Variants in PLCB4 observed in about 807,000 individuals in gnomAD.
The protein encoded by PLCB4 is 1-phosphatidylinositol 4,5-bisphosphate phosphodiesterase beta-4.
PLCB4 carries 77 observed loss-of-function variants against 178.8 expected under a neutral mutation model. The observed-to-expected ratio is 0.43, with a 90% CI of 0.36 to 0.52. The LOEUF is 0.52. PLCB4 is among the 20% of genes least tolerant of loss of function. PLCB4 has a pLI of 0.00. For missense variants in PLCB4, 1,024 were observed against 1,453.4 expected, an observed-to-expected ratio of 0.70 and a Z score of 4.80; for synonymous variants, 496 against 490.8, an observed-to-expected ratio of 1.01 and a Z score of -0.14.
At chr20:9,221,770 C>A (rs916898219) in intron 3 of PLCB4, among the ~76,000 whole-genome samples, 1 of 152,046 alleles carries the variant, frequency 6.6e-6, no homozygotes, top group Non-Finnish European at 1.5e-5. Context: ...CAAAGCTTTC[C>A]TTAGTAAAAT....
chr20:9,141,774 G>A (rs1465483055), intron 2 of PLCB4, among the ~76,000 whole-genome samples: 3 of 152,080 alleles, frequency 2.0e-5, no homozygotes, highest in African/African-American at 7.2e-5. Context: ...GAATTAAATG[G>A]GGGATGGAGT....
chr20:9,300,949 A>AT (rs904536324), intron 3 of PLCB4, among the ~76,000 whole-genome samples: 9 of 151,844 alleles, frequency 5.9e-5, no homozygotes, highest in African/African-American at 2.2e-4. Flanking sequence ...ACATCAAGGT[A>AT]TTTTCAGGGC....
intron 2 of PLCB4, among the ~76,000 whole-genome samples, chr20:9,146,647 C>G (rs913432395): frequency 2.0e-5 from 3 of 152,074 alleles, no homozygotes; most frequent in Non-Finnish European, 4.4e-5. Flanking sequence ...TGGAAAGTCC[C>G]TAGTTAGAGG....
chr20:9,220,051 A>T (rs1158077872), intron 3 of PLCB4, among the ~76,000 whole-genome samples: 3 of 152,066 alleles, frequency 2.0e-5, no homozygotes, highest in Non-Finnish European at 4.4e-5. Context: ...TGGTCAATAA[A>T]CTCCTAAAAT....
chr20:9,469,480 T>C (rs1056826995), intron 36 of PLCB4, among the ~76,000 whole-genome samples: 13 of 152,282 alleles, frequency 8.5e-5, no homozygotes, highest in African/African-American at 2.9e-4. Flanking sequence ...TTTGTCCTTA[T>C]GTTAGGTGAG....
intron 2 of PLCB4, among the ~76,000 whole-genome samples, chr20:9,138,732 G>A (rs1288960602): frequency 6.6e-6 from 1 of 152,078 alleles, no homozygotes; most frequent in Non-Finnish European, 1.5e-5. Flanking sequence ...CCAACCATAA[G>A]AGATATTTGT....
intron 32 of PLCB4, among the ~76,000 whole-genome samples, chr20:9,446,264 A>G (rs1393760033): frequency 1.3e-5 from 2 of 152,258 alleles, no homozygotes; most frequent in African/African-American, 4.8e-5. Flanking sequence ...TCAAGAGTCC[A>G]GAATCCATAG....
Position 9,407,013 on chromosome 20 carries a change from T to C in PLCB4, c.1648-904T>C, listed in dbSNP as rs189626890. The stretch of plus-strand genomic sequence containing the variant: ...TATGCAAAGTAATGCAGTTTCAATA[T>C]GTCCTATGCAGCAAGTTATTAGGTT... On this transcript the variant is annotated intron_variant, in intron 21 of 39. Transcript: ENST00000378473. Among the ~76,000 whole-genome samples, 42 of 152,374 alleles carry C rather than the reference T, an allele frequency of 2.8e-4. 1 individual carries two copies. The East Asian group carries it at 7.5e-3, about 27-fold the overall frequency.
intron 1 of PLCB4, among the ~76,000 whole-genome samples, chr20:9,087,837 T>A (rs896302987): frequency 1.3e-4 from 20 of 152,238 alleles, no homozygotes; most frequent in African/African-American, 4.6e-4. Flanking sequence ...CACTGCAATA[T>A]CAGCTCCTCA....
chr20:9,363,710 C>A (rs1024121771), intron 8 of PLCB4, among the ~76,000 whole-genome samples: 1 of 152,180 alleles, frequency 6.6e-6, no homozygotes, highest in Non-Finnish European at 1.5e-5. Context: ...AGCAGTGATC[C>A]GTGAAGGTGG....
At chr20:9,179,676 T>A (rs1465028244) in intron 2 of PLCB4, among the ~76,000 whole-genome samples, 1 of 152,176 alleles carries the variant, frequency 6.6e-6, no homozygotes, top group Admixed American at 6.5e-5. Flanking sequence ...ATGCCAAAGG[T>A]TGGCAGTCTA....
chr20:9,303,076 C>T (rs1390933255), intron 3 of PLCB4, among the ~76,000 whole-genome samples: 2 of 152,054 alleles, frequency 1.3e-5, no homozygotes, highest in Non-Finnish European at 2.9e-5. Flanking sequence ...ATTTTTCAAG[C>T]TAACACTTAG....
chr20:9,339,572 C>T (rs2032930870), intron 7 of PLCB4, among the ~76,000 whole-genome samples: 1 of 151,994 alleles, frequency 6.6e-6, no homozygotes, highest in African/African-American at 2.4e-5. Context: ...ACCCAGTAGA[C>T]CTAAAATATT....
intron 2 of PLCB4, among the ~76,000 whole-genome samples, chr20:9,137,007 C>T (rs763000673): frequency 2.6e-5 from 4 of 152,100 alleles, no homozygotes; most frequent in African/African-American, 7.2e-5. Context: ...AAGAGACTCC[C>T]GGGTCTCTTC....
chr20:9,206,259 T>C (rs2093611849), intron 2 of PLCB4, among the ~76,000 whole-genome samples: 1 of 151,402 alleles, frequency 6.6e-6, no homozygotes, highest in South Asian at 2.1e-4. Context: ...ATTATCTGTG[T>C]CCCTCCCACA....
chr20:9,413,779 A>G (rs1243015755), intron 25 of PLCB4, among the ~76,000 whole-genome samples: 1 of 151,756 alleles, frequency 6.6e-6, no homozygotes, highest in Non-Finnish European at 1.5e-5. Flanking sequence ...ATTTTTTCTT[A>G]AGACAGGGTT....
chr20:9,462,263 AC>A (rs1304722067), intron 35 of PLCB4, among the ~76,000 whole-genome samples: 1 of 152,120 alleles, frequency 6.6e-6, no homozygotes, highest in Non-Finnish European at 1.5e-5. Flanking sequence ...TCTGTAGGTC[AC>A]CAACATCAAA....
chr20:9,233,866 A>G (rs1452090517), intron 3 of PLCB4, among the ~76,000 whole-genome samples: 1 of 152,114 alleles, frequency 6.6e-6, no homozygotes, highest in African/African-American at 2.4e-5. Flanking sequence ...TTTAAATGGA[A>G]TGGGAATTTA....
rs543605079 is a variant in PLCB4, at chr20:9,359,001, T to C, written c.370-3895T>C. Among the ~76,000 whole-genome samples, 9 of 152,368 alleles carry C rather than the reference T, an allele frequency of 5.9e-5. No individual in the cohort carries two copies. In the East Asian group the frequency reaches 1.7e-3, roughly 29 times the overall value. Reference sequence around the variant, plus strand: ...GGGGTGATGTTTACTTCTTACTGTGTATTTCTTTGCTTTACACTTTCCTAT... The same window carrying C: ...GGGGTGATGTTTACTTCTTACTGTGCATTTCTTTGCTTTACACTTTCCTAT... On this transcript the variant is annotated intron_variant, in intron 7 of 39. Transcript: ENST00000378473.
Sources: gnomAD v4.1 joint callset for allele counts (sites outside exome capture counted in the v4.1 genomes callset) on GRCh38, gnomAD v4.1.1 for gene constraint, MANE v1.5 for transcripts, NCBI Gene and HGNC (gene_info 2026-07-23, HGNC 2026-07-21) for gene names.